Variants in MAGI3 observed in about 807,000 individuals in gnomAD.
MAGI3 encodes membrane-associated guanylate kinase, WW and PDZ domain-containing protein 3.
A neutral mutation model predicts 121.8 loss-of-function variants in MAGI3; 43 were observed. The ratio of observed to expected loss-of-function variants is 0.35; its 90% CI spans 0.28 to 0.46. The LOEUF (loss-of-function observed/expected upper bound fraction) is 0.46, where lower values mean the gene tolerates loss of function less well. Ranked by LOEUF, MAGI3 falls within the 20% of genes least tolerant of loss-of-function variation. The pLI, the probability that MAGI3 is intolerant of heterozygous loss-of-function variation, is 1.00. For synonymous variants in MAGI3, 553 were observed against 639.3 expected (o/e 0.86, Z 2.04); for missense variants, 1,547 against 1,797.3 (o/e 0.86, Z 2.52).
chr1:113,449,973 G>C, intron 1 of MAGI3: 3 of 1,562,172 alleles, frequency 1.9e-6, no homozygotes, highest in Admixed American at 1.7e-5. Flanking sequence ...TGTTTCTAGA[G>C]AGGATTCTGT....
intron 1 of MAGI3, among the ~76,000 whole-genome samples, chr1:113,504,191 A>T (rs1038918199): frequency 2.6e-5 from 4 of 152,092 alleles, no homozygotes; most frequent in African/African-American, 9.6e-5. Context: ...TTAAACAGGA[A>T]ATCTAGAAAC....
chr1:113,601,604 C>A (rs995917321), intron 6 of MAGI3, among the ~76,000 whole-genome samples: 57 of 149,118 alleles, frequency 3.8e-4, no homozygotes, highest in Non-Finnish European at 6.0e-4. Flanking sequence ...AGAAATAGGA[C>A]CACTGTTACA....
chr1:113,599,285 G>A (rs1019067584), intron 6 of MAGI3, among the ~76,000 whole-genome samples: 4 of 151,986 alleles, frequency 2.6e-5, no homozygotes, highest in Admixed American at 2.6e-4. Flanking sequence ...CCAGGAGCTG[G>A]TTTTTTGAAA....
chr1:113,451,310 A>G (rs1654472881), intron 1 of MAGI3, among the ~76,000 whole-genome samples: 1 of 152,200 alleles, frequency 6.6e-6, no homozygotes, highest in South Asian at 2.1e-4. Context: ...GAGAGTATAC[A>G]GATAGTTGAC....
At position 113,671,723 on chromosome 1, in the gene MAGI3, C is replaced by T. The variant is rs996643229; in HGVS notation, c.2816-11C>T. ...CAAATTCTTATTTCTATTGTTTTCTCATTTGAACAGAGCATCATGGTCCAC... is the reference window on the plus strand; with the variant it reads ...CAAATTCTTATTTCTATTGTTTTCTTATTTGAACAGAGCATCATGGTCCAC... On this transcript the variant is annotated splice_polypyrimidine_tract_variant and intron_variant, in intron 16 of 20. Coordinates refer to ENST00000307546, the MANE Select transcript of MAGI3 (RefSeq NM_001142782.2). 6.2e-6 allele frequency: 10 copies of T among 1,612,928 alleles called. No homozygotes were observed. The East Asian group carries it at 2.0e-4, about 32-fold the overall frequency.
chr1:113,449,474 A>G (rs1570692357), intron 1 of MAGI3, among the ~76,000 whole-genome samples: 1 of 152,082 alleles, frequency 6.6e-6, no homozygotes, highest in South Asian at 2.1e-4. Flanking sequence ...GGCTGGATCT[A>G]TATTTTTTCA....
chr1:113,588,844 CTCTT>C, intron 4 of MAGI3, among the ~76,000 whole-genome samples: 1 of 152,146 alleles, frequency 6.6e-6, no homozygotes, highest in African/African-American at 2.4e-5. Context: ...CAAATATAAA[CTCTT>C]TCAAGGTGGT....
At chr1:113,630,258 G>A (rs116161776) in intron 9 of MAGI3, among the ~76,000 whole-genome samples, 2,476 of 152,200 alleles carry the variant, frequency 0.016, 75 homozygotes, top group African/African-American at 0.056. Context: ...GTGTGGGGGT[G>A]TTGCCAGGCC....
intron 1 of MAGI3, among the ~76,000 whole-genome samples, chr1:113,515,330 T>C (rs1299790112): frequency 1.3e-5 from 2 of 152,120 alleles, no homozygotes; most frequent in African/African-American, 4.8e-5. Flanking sequence ...TGGCTTGATG[T>C]AGAGCTTTGA....
chr1:113,391,276 G>A lies in MAGI3; in HGVS notation c.243G>A (p.Gly81=). 6.3e-7 allele frequency: 1 copy of A among 1,590,302 alleles called. No individual in the cohort carries two copies. The highest frequency in any genetic ancestry group is 1.1e-5 in the South Asian group (1 of 87,430). Residue 81 remains glycine, a synonymous_variant, in exon 1 of 21, where the codon GGG becomes GGA. Transcript: ENST00000307546. The surrounding 1 kb of genome is among the most constrained non-coding windows in gnomAD (Gnocchi z 4.4). The part of the protein sequence containing the change: ...LLEVNGTPVS[G]LTNRDTLAVI... ...AGGTAAACGGGACGCCTGTCAGCGG[G>A]CTCACCAACCGGGACACCCTGGCTG... is the stretch of plus-strand genomic sequence containing the variant.
intron 6 of MAGI3, among the ~76,000 whole-genome samples, chr1:113,605,370 G>T (rs1399149526): frequency 3.9e-5 from 6 of 152,108 alleles, no homozygotes; most frequent in Non-Finnish European, 8.8e-5. Context: ...GAAACATGTT[G>T]TAAAAGAAAC....
At chr1:113,575,810 GCT>G (rs1271382265) in intron 2 of MAGI3, among the ~76,000 whole-genome samples, 1 of 152,186 alleles carries the variant, frequency 6.6e-6, no homozygotes, top group Non-Finnish European at 1.5e-5. Context: ...TCCCCCAGGT[GCT>G]CTGTCCCAGG....
At chr1:113,402,995 A>ATCTT (rs1210245155) in intron 1 of MAGI3, among the ~76,000 whole-genome samples, 3 of 152,136 alleles carry the variant, frequency 2.0e-5, no homozygotes, top group Non-Finnish European at 4.4e-5. Flanking sequence ...ACATGAAAAA[A>ATCTT]TCTTTCTGCA....
At chr1:113,648,736 A>G (rs544886197) in intron 12 of MAGI3, among the ~76,000 whole-genome samples, 24 of 152,248 alleles carry the variant, frequency 1.6e-4, no homozygotes, top group African/African-American at 5.8e-4. Flanking sequence ...AAATGCTATC[A>G]TTTTGCAAAA....
chr1:113,641,793 A>T, intron 9 of MAGI3, 118 bp from the exon 10 acceptor site: 1 of 838,892 alleles, frequency 1.2e-6, no homozygotes, highest in South Asian at 1.9e-5. Flanking sequence ...TTCAGCAGTT[A>T]ATAGAGGTTT....
intron 6 of MAGI3, among the ~76,000 whole-genome samples, chr1:113,611,348 A>G (rs1650122139): frequency 1.3e-5 from 2 of 152,134 alleles, no homozygotes; most frequent in African/African-American, 4.8e-5. Flanking sequence ...TTGGCCTCCC[A>G]AAGTGCTGGG....
At chr1:113,611,085 A>C (rs1484458479) in intron 6 of MAGI3, among the ~76,000 whole-genome samples, 1 of 146,796 alleles carries the variant, frequency 6.8e-6, no homozygotes, top group African/African-American at 2.5e-5. Context: ...TTTCATAATT[A>C]TTCTTTTTTT....
At chr1:113,437,790 CCTTCTTCTTT>C (rs1464696812) in intron 1 of MAGI3, among the ~76,000 whole-genome samples, 2 of 147,500 alleles carry the variant, frequency 1.4e-5, no homozygotes, top group South Asian at 2.2e-4. Context: ...TCTTCTTCTT[CCTTCTTCTTT>C]CTTCTTTTCT....
intron 1 of MAGI3, among the ~76,000 whole-genome samples, chr1:113,512,991 CAG>C (rs1418617785): frequency 2.0e-5 from 3 of 152,204 alleles, no homozygotes; most frequent in East Asian, 3.9e-4. Flanking sequence ...AACAGAGAAA[CAG>C]AGAGCCAAAT....
Sources: allele counts gnomAD v4.1 joint callset (sites outside exome capture counted in the v4.1 genomes callset), GRCh38; gene constraint gnomAD v4.1.1; non-coding constraint Gnocchi (gnomAD v3.1); transcripts MANE v1.5; gene names NCBI Gene and HGNC (gene_info 2026-07-23, HGNC 2026-07-21).